ANXA2: variants seen among roughly 807,000 people sequenced by gnomAD.
The protein encoded by ANXA2 is annexin A2.
ANXA2 carries 28 observed loss-of-function variants against 47.3 expected under a neutral mutation model. The ratio of observed to expected loss-of-function variants is 0.59; its 90% CI spans 0.44 to 0.81. The LOEUF (loss-of-function observed/expected upper bound fraction) is 0.81. Among genes scored for constraint, ANXA2 ranks in the 40% least tolerant of loss-of-function variants. The pLI is 0.00. For missense variants in ANXA2, 384 were observed against 414.3 expected (o/e 0.93, Z 0.64); for synonymous variants, 172 against 155.5 (o/e 1.11, Z -0.79).
intron 3 of ANXA2, among the ~76,000 whole-genome samples, chr15:60,376,040 G>A (rs1250844351): frequency 6.6e-6 from 1 of 152,170 alleles, no homozygotes; most frequent in African/African-American, 2.4e-5. Flanking sequence ...GACGAGGCTA[G>A]AAAGATACTC....
chr15:60,374,322 C>T (rs559003736), intron 3 of ANXA2: 21 of 373,648 alleles, frequency 5.6e-5, no homozygotes, highest in Non-Finnish European at 8.9e-5. Context: ...CAAATCAAAT[C>T]GTCAGTGAAG....
Position 60,367,677 on chromosome 15 carries a change from C to T in ANXA2, c.149-3154G>A, listed in dbSNP as rs2062650241. 3.4e-5 allele frequency among the ~76,000 whole-genome samples: 3 copies of T among 87,734 alleles called. No individual in the cohort carries two copies. In the South Asian group the frequency reaches 1.3e-3, roughly 38 times the overall value. 57.6% of individuals were successfully genotyped at this position (87,734 alleles called of 152,430 possible). A position where few individuals can be genotyped will look rare whatever the true frequency, so the allele number is the denominator to read the frequency against. Reference sequence around the variant, plus strand: ...CGCTCTGCCTGGCCAGCCGCCCCGTCCGGGAGGGTGGTGGGGGGTCAGCCC... The same window carrying T: ...CGCTCTGCCTGGCCAGCCGCCCCGTTCGGGAGGGTGGTGGGGGGTCAGCCC... On this transcript the variant is annotated intron_variant, in intron 3 of 12. Coordinates refer to ENST00000451270, the MANE Select transcript of ANXA2 (RefSeq NM_004039.3).
chr15:60,392,083 A>G (rs1392878356), intron 1 of ANXA2, among the ~76,000 whole-genome samples: 1 of 152,174 alleles, frequency 6.6e-6, no homozygotes, highest in Non-Finnish European at 1.5e-5. Flanking sequence ...CACTGATAAG[A>G]GCCATACCCA....
At chr15:60,393,054 ATTC>A (rs1161809004) in intron 1 of ANXA2, 10 of 1,286,918 alleles carry the variant, frequency 7.8e-6, no homozygotes, top group Non-Finnish European at 1.0e-5. Context: ...GAAAGCAGAT[ATTC>A]TTCTCCTTGG....
chr15:60,354,208 T>A lies in ANXA2; in HGVS notation c.534A>T (p.Arg178Ser). The A allele has an allele frequency of 1.2e-6, 2 of 1,612,800 alleles. No homozygotes were observed. Among genetic ancestry groups the A allele is most frequent in the South Asian group, 2.2e-5 (2 of 90,980 alleles). ...RKLMVALAKG[R>S]RAEDGSVIDY... is the part of the protein sequence containing the mutation. ...CAATGACAGAGCCATCCTCTGCTCT[T>A]CTACCCTATGGGGGAAAGAAAAAGA... The change falls in exon 8 of 13, where the codon AGA becomes AGT. Residue 178 changes from arginine (R) to serine (S), a missense_variant. Transcript: ENST00000451270.
At position 60,351,439 on chromosome 15, in the gene ANXA2, A is replaced by C. The variant is rs8036818; in HGVS notation, c.779-188T>G. On this transcript the variant is annotated intron_variant, in intron 10 of 12. Transcript: ENST00000451270. The stretch of plus-strand genomic sequence containing the variant: ...AATACTAAGTTCCACCACGGTTTTA[A>C]ACCAGGGGTCTCTGAGGCCTGCAGA... 4,184 of 658,818 alleles carry C rather than the reference A, an allele frequency of 6.4e-3. 135 individuals are homozygous for C. The African/African-American group carries it at 0.068, about 11-fold the overall frequency. The allele number at this position is 658,818 out of a possible 1,614,324, so 40.8% of individuals were successfully genotyped here.
intron 4 of ANXA2, chr15:60,362,598 C>G (rs181355083): frequency 6.6e-5 from 10 of 152,336 alleles, no homozygotes; most frequent in Admixed American, 5.9e-4. Context: ...CTAAAGAACT[C>G]TGCAGCACAA....
intron 3 of ANXA2, 142 bp from the exon 4 acceptor site, chr15:60,364,665 T>TACACA: frequency 1.7e-6 from 1 of 605,324 alleles, no homozygotes; most frequent in Admixed American, 3.6e-5. Context: ...AGATTTGTTC[T>TACACA]ATCTCTTTCG....
intron 3 of ANXA2, among the ~76,000 whole-genome samples, chr15:60,368,565 T>TAA (rs749300788): frequency 7.1e-6 from 1 of 140,324 alleles, no homozygotes. Flanking sequence ...TACTGTTAAG[T>TAA]AAAAAAAAAA....
At chr15:60,392,669 G>A (rs1043714635) in intron 1 of ANXA2, among the ~76,000 whole-genome samples, 1 of 152,212 alleles carries the variant, frequency 6.6e-6, no homozygotes, top group Non-Finnish European at 1.5e-5. Context: ...AAAACATACT[G>A]CAACAGGGCT....
At chr15:60,359,581 G>A (rs2062481670) in intron 5 of ANXA2, among the ~76,000 whole-genome samples, 1 of 152,214 alleles carries the variant, frequency 6.6e-6, no homozygotes, top group Non-Finnish European at 1.5e-5. Context: ...AAGAACTAAA[G>A]GAAGAAAGAG....
intron 1 of ANXA2, 128 bp downstream of exon 1, chr15:60,397,815 C>T: frequency 1.5e-6 from 2 of 1,356,266 alleles, no homozygotes; most frequent in Non-Finnish European, 1.9e-6. Context: ...CCCTTCAGCC[C>T]CCTGCCCCCG....
intron 3 of ANXA2, among the ~76,000 whole-genome samples, chr15:60,378,223 C>T (rs2062807608): frequency 6.6e-6 from 1 of 152,168 alleles, no homozygotes; most frequent in South Asian, 2.1e-4. Flanking sequence ...AGGGAAGTTA[C>T]TGTGGTGATG....
At chr15:60,397,180 A>G (rs947103017) in intron 1 of ANXA2, 2 of 801,476 alleles carry the variant, frequency 2.5e-6, no homozygotes, top group African/African-American at 3.8e-5. Context: ...CCTTCTCTCT[A>G]CTCTCAGTTC....
At position 60,347,296 on chromosome 15, in the gene ANXA2, A is replaced by G. The variant is rs948401113; in HGVS notation, c.*334T>C. 79 of 329,110 alleles carry G rather than the reference A, an allele frequency of 2.4e-4. No homozygotes were observed. The highest frequency in any genetic ancestry group is 1.6e-3 in the African/African-American group (75 of 47,492). The allele number at this position is 329,110 out of a possible 1,614,324, so 20.4% of individuals were successfully genotyped here. A position where few individuals can be genotyped will look rare whatever the true frequency, so the allele number is the denominator to read the frequency against. On this transcript the variant is annotated 3_prime_UTR_variant, in exon 13 of 13. Transcript: ENST00000451270. Reference sequence around the variant, plus strand: ...GAACCCCAAGCACGTTTAATTTTCAAACAATTCAGTTGAAAGCAGGGCCAC... The same window carrying G: ...GAACCCCAAGCACGTTTAATTTTCAGACAATTCAGTTGAAAGCAGGGCCAC...
Position 60,367,256 on chromosome 15 carries a change from G to A in ANXA2, c.149-2733C>T, listed in dbSNP as rs1164978840. On this transcript the variant is annotated intron_variant, in intron 3 of 12. Transcript: ENST00000451270. ...CCCCGCCCGGCCAGCCGCCCCGTCC[G>A]GGAGGGAGGTGGGGGGATCAGCCCC... Among the ~76,000 whole-genome samples the A allele has an allele frequency of 1.1e-4, 14 of 128,326 alleles. No homozygotes were observed. In the East Asian group the frequency reaches 3.5e-3, roughly 32 times the overall value. 84.2% of individuals were successfully genotyped at this position (128,326 alleles called of 152,430 possible).
At chr15:60,349,337 T>C (rs546526784) in intron 11 of ANXA2, 140 bp from the exon 12 acceptor site, 8 of 811,068 alleles carry the variant, frequency 9.9e-6, no homozygotes, top group African/African-American at 6.9e-5. Flanking sequence ...GCCGACATGA[T>C]GCCACAATGA....
intron 3 of ANXA2, among the ~76,000 whole-genome samples, chr15:60,367,393 C>CGG (rs1275071410): frequency 0.015 from 111 of 7,370 alleles, 17 homozygotes; most frequent in Admixed American, 0.023. Flanking sequence ...GGGAGGGAGG[C>CGG]GGGGGGGGGT....
chr15:60,393,125 G>A (rs1436452986), intron 1 of ANXA2: 2 of 1,284,368 alleles, frequency 1.6e-6, no homozygotes, highest in African/African-American at 1.5e-5. Context: ...CAGAATTCCT[G>A]GAATTCGGCC....
Sources: allele counts gnomAD v4.1 joint callset (sites outside exome capture counted in the v4.1 genomes callset), GRCh38; gene constraint gnomAD v4.1.1; transcripts MANE v1.5; gene names NCBI Gene and HGNC (gene_info 2026-07-23, HGNC 2026-07-21).